Variants in ARID1B observed in about 807,000 individuals in gnomAD.
ARID1B encodes the protein AT-rich interaction domain 1B, also known as AT-rich interactive domain-containing protein 1B.
ARID1B carries 30 observed loss-of-function variants against 212.3 expected under a neutral mutation model. The ratio of observed to expected loss-of-function variants is 0.14; its 90% CI spans 0.11 to 0.19. ARID1B has a LOEUF of 0.19. ARID1B is among the 10% of genes least tolerant of loss of function. The pLI is 1.00. For synonymous variants in ARID1B, 1,402 were observed against 1,301.7 expected, an observed-to-expected ratio of 1.08 and a Z score of -1.66; for missense variants, 2,891 against 3,204.0, an observed-to-expected ratio of 0.90 and a Z score of 2.36.
intron 4 of ARID1B, among the ~76,000 whole-genome samples, chr6:157,051,365 A>G (rs1782593071): frequency 6.6e-6 from 1 of 152,238 alleles, no homozygotes; most frequent in Non-Finnish European, 1.5e-5. Context: ...ACGAAACTAG[A>G]TCTTCCAGGC....
At chr6:156,901,282 G>T (rs1314510466) in intron 2 of ARID1B, 94 bp from the exon 3 acceptor site, 2 of 1,416,640 alleles carry the variant, frequency 1.4e-6, no homozygotes, top group Admixed American at 1.8e-5. Flanking sequence ...GCTTAGCAGA[G>T]AACCCCCTTC....
At chr6:156,788,118 G>A (rs2115144817) in intron 1 of ARID1B, among the ~76,000 whole-genome samples, 1 of 152,116 alleles carries the variant, frequency 6.6e-6, no homozygotes, top group African/African-American at 2.4e-5. Flanking sequence ...CATCAATTAG[G>A]TGATGCTCAG....
At position 157,120,759 on chromosome 6, in the gene ARID1B, A is replaced by G. The variant is rs905007478; in HGVS notation, c.2581+10198A>G. On this transcript the variant is annotated intron_variant, in intron 6 of 19. Transcript: ENST00000636930. ...GAGACAGATGCCAACATGAAAATCA[A>G]TTGTCCATGTGCCAAATGAAAAACG... is the stretch of plus-strand genomic sequence containing the variant. Among the ~76,000 whole-genome samples the G allele has an allele frequency of 1.4e-4, 22 of 152,146 alleles. 1 individual carries two copies. Among genetic ancestry groups the G allele is most frequent in the African/African-American group, 4.3e-4 (18 of 41,430 alleles).
chr6:157,109,360 G>T (rs1416666522), intron 5 of ARID1B, among the ~76,000 whole-genome samples: 2 of 152,224 alleles, frequency 1.3e-5, no homozygotes, highest in African/African-American at 4.8e-5. Context: ...AGTCAGAGCG[G>T]TTAGCCTGAT....
At position 157,076,961 on chromosome 6, in the gene ARID1B, A is replaced by G. The variant is rs139575483; in HGVS notation, c.2248-7701A>G. Among the ~76,000 whole-genome samples, 618 of 152,282 alleles carry G rather than the reference A, an allele frequency of 4.1e-3. 2 individuals are homozygous for G. The highest frequency in any genetic ancestry group is 6.6e-3 in the Non-Finnish European group (450 of 68,018). ...TAGAATATAGAATTAAGAGACTATA[A>G]TCTTTAAGACTGTATGTTAGTCATA... On this transcript the variant is annotated intron_variant, in intron 4 of 19. Coordinates refer to ENST00000636930, the MANE Select transcript of ARID1B (RefSeq NM_001374828.1).
intron 4 of ARID1B, among the ~76,000 whole-genome samples, chr6:157,046,807 GC>G (rs1385677889): frequency 6.6e-6 from 1 of 152,110 alleles, no homozygotes; most frequent in Non-Finnish European, 1.5e-5. Context: ...CTTTAGAGCT[GC>G]TATGGCCAGT....
intron 1 of ARID1B, among the ~76,000 whole-genome samples, chr6:156,826,858 A>G (rs1204780973): frequency 6.6e-6 from 1 of 152,152 alleles, no homozygotes; most frequent in Admixed American, 6.5e-5. Flanking sequence ...CACACTCTCC[A>G]GAGTGTCTAC....
chr6:157,074,142 G>C (rs1213922292), intron 4 of ARID1B, among the ~76,000 whole-genome samples: 3 of 152,190 alleles, frequency 2.0e-5, no homozygotes, highest in Non-Finnish European at 4.4e-5. Flanking sequence ...TTGAGAAGCA[G>C]GTTTCATTAG....
At chr6:157,158,336 A>T (rs111706642) in intron 8 of ARID1B, among the ~76,000 whole-genome samples, 3,023 of 152,278 alleles carry the variant, frequency 0.02, 105 homozygotes, top group African/African-American at 0.068. Context: ...AGGATTTTTT[A>T]AAGATCAGAA....
chr6:157,036,316 A>T (rs1781323934), intron 4 of ARID1B: 1 of 152,464 alleles, frequency 6.6e-6, no homozygotes, highest in Non-Finnish European at 1.5e-5. Flanking sequence ...TGTTGCTTAG[A>T]CACTGCCTGC....
Position 156,970,046 on chromosome 6 carries a change from A to T in ARID1B, c.2247+34470A>T, listed in dbSNP as rs766323413. Among the ~76,000 whole-genome samples, 29 of 136,318 alleles carry T rather than the reference A, an allele frequency of 2.1e-4. 1 individual carries two copies. The highest frequency in any genetic ancestry group is 4.7e-4 in the Non-Finnish European group (28 of 59,886). The allele number at this position is 136,318 out of a possible 152,430, so 89.4% of individuals were successfully genotyped here. On this transcript the variant is annotated intron_variant, in intron 4 of 19. Coordinates refer to ENST00000636930, the MANE Select transcript of ARID1B (RefSeq NM_001374828.1). ...TTAATTATTAAGAATAAAAGCTTTG[A>T]CTTTGTTTTTTTTGTGTGTTTTGTT...
intron 1 of ARID1B, among the ~76,000 whole-genome samples, chr6:156,820,457 G>A (rs1450090520): frequency 6.6e-6 from 1 of 152,188 alleles, no homozygotes; most frequent in African/African-American, 2.4e-5. Flanking sequence ...AGTCTGCTGG[G>A]GAGACAGGAA....
chr6:157,148,487 C>T lies in ARID1B; in HGVS notation c.2762-137C>T, dbSNP rs1789960897. The T allele has an allele frequency of 1.1e-6, 1 of 920,890 alleles. No homozygotes were observed. The highest frequency in any genetic ancestry group is 1.7e-5 in the African/African-American group (1 of 59,760). 57.0% of individuals were successfully genotyped at this position (920,890 alleles called of 1,614,324 possible). On this transcript the variant is annotated intron_variant, in intron 7 of 19. Coordinates refer to ENST00000636930, the MANE Select transcript of ARID1B (RefSeq NM_001374828.1). The surrounding 1 kb of genome is among the most constrained non-coding windows in gnomAD (Gnocchi z 5.6). The stretch of plus-strand genomic sequence containing the variant: ...GCATGTTTGAGACTGGCAGCTGCAC[C>T]AGCAGCAACAGGAAGGGCCTATAAC...
intron 1 of ARID1B, among the ~76,000 whole-genome samples, chr6:156,813,673 C>G (rs1311096941): frequency 6.6e-6 from 1 of 152,144 alleles, no homozygotes; most frequent in Non-Finnish European, 1.5e-5. Flanking sequence ...AACTGATATG[C>G]ATTTGAATTT....
rs552713774 is a variant in ARID1B at position 157,075,583 on chromosome 6, G to T, written c.2248-9079G>T. Among the ~76,000 whole-genome samples the T allele has an allele frequency of 3.3e-5, 5 of 152,336 alleles. No homozygotes were observed. In the East Asian group the frequency reaches 9.6e-4, roughly 29 times the overall value. ...CTTAGTGACTCCCTTCATGAGTAGA[G>T]TATGGACAGGGAATAAAGTAACTTA... On this transcript the variant is annotated intron_variant, in intron 4 of 19. Transcript: ENST00000636930.
intron 8 of ARID1B, among the ~76,000 whole-genome samples, chr6:157,161,435 A>ATATATATTT (rs1419380166): frequency 5.6e-5 from 8 of 143,370 alleles, no homozygotes; most frequent in African/African-American, 2.2e-4. Flanking sequence ...GTGTGTGTAT[A>ATATATATTT]TATATATATA....
At chr6:156,847,379 C>T (rs184268433) in intron 2 of ARID1B, among the ~76,000 whole-genome samples, 8 of 152,172 alleles carry the variant, frequency 5.3e-5, no homozygotes, top group Admixed American at 4.6e-4. Context: ...GGAAAAGCTT[C>T]AGGGAACTCA....
At chr6:157,026,447 T>C (rs745622985) in intron 4 of ARID1B, among the ~76,000 whole-genome samples, 1 of 152,220 alleles carries the variant, frequency 6.6e-6, no homozygotes, top group Non-Finnish European at 1.5e-5. Context: ...ATGAAGTAGT[T>C]TTATTTAATA....
chr6:157,155,658 T>C (rs1790528636), intron 8 of ARID1B, among the ~76,000 whole-genome samples: 1 of 152,172 alleles, frequency 6.6e-6, no homozygotes, highest in African/African-American at 2.4e-5. Context: ...TTGAGTCCAT[T>C]AGGAAATTGG....
Sources: allele counts gnomAD v4.1 joint callset (sites outside exome capture counted in the v4.1 genomes callset), GRCh38; gene constraint gnomAD v4.1.1; non-coding constraint Gnocchi (gnomAD v3.1); transcripts MANE v1.5; gene names NCBI Gene and HGNC (gene_info 2026-07-23, HGNC 2026-07-21).